PLEKHG3: variants seen among roughly 807,000 people sequenced by gnomAD.
PLEKHG3 encodes the protein pleckstrin homology and RhoGEF domain containing G3, also known as pleckstrin homology domain-containing family G member 3.
In PLEKHG3, 62 loss-of-function variants were observed where a neutral mutation model predicts 94.9. The ratio of observed to expected loss-of-function variants is 0.65; its 90% CI spans 0.53 to 0.81. The LOEUF (loss-of-function observed/expected upper bound fraction) is 0.81, where lower values mean the gene tolerates loss of function less well. Ranked by LOEUF, PLEKHG3 falls within the 30% of genes least tolerant of loss-of-function variation. The probability of loss-of-function intolerance (pLI) is 0.00; values close to 1 mark genes in which losing one functional copy is unlikely to be tolerated. For missense variants in PLEKHG3, 1,461 were observed against 1,619.3 expected (o/e 0.90, Z 1.68); for synonymous variants, 614 against 654.0 (o/e 0.94, Z 0.93).
Position 64,738,057 on chromosome 14 carries a change from G to C in PLEKHG3, c.1404+682G>C. On this transcript the variant is annotated intron_variant, in intron 14 of 16. Transcript: ENST00000247226. The surrounding 1 kb of genome is among the most constrained non-coding windows in gnomAD (Gnocchi z 4.8). ...GGACCTGACAGGGCATGAAGGCAACGAGAAGGGGGCTGGGCCGGAGCCCCC... is the reference window on the plus strand; with the variant it reads ...GGACCTGACAGGGCATGAAGGCAACCAGAAGGGGGCTGGGCCGGAGCCCCC... 1 of 1,298,110 alleles carries C rather than the reference G, an allele frequency of 7.7e-7. No homozygotes were observed. Among genetic ancestry groups the C allele is most frequent in the Non-Finnish European group, 1.0e-6 (1 of 993,996 alleles). 80.4% of individuals were successfully genotyped at this position (1,298,110 alleles called of 1,614,324 possible). A position where few individuals can be genotyped will look rare whatever the true frequency, so the allele number is the denominator to read the frequency against.
chr14:64,730,541 G>A lies in PLEKHG3; in HGVS notation c.520-101G>A. On this transcript the variant is annotated intron_variant, in intron 4 of 16. Coordinates refer to ENST00000247226, the MANE Select transcript of PLEKHG3 (RefSeq NM_001308147.2). The surrounding 1 kb of genome is among the most constrained non-coding windows in gnomAD (Gnocchi z 5.4). Reference sequence around the variant, plus strand: ...TGGCTCTGTAGGCATTTGGGAACAGGGGACAGAGGGTGCTCTGGGGGCCAG... The same window carrying A: ...TGGCTCTGTAGGCATTTGGGAACAGAGGACAGAGGGTGCTCTGGGGGCCAG... The A allele has an allele frequency of 1.0e-6, 1 of 966,250 alleles. No homozygotes were observed. Among genetic ancestry groups the A allele is most frequent in the Non-Finnish European group, 1.6e-6 (1 of 609,026 alleles). 59.9% of individuals were successfully genotyped at this position (966,250 alleles called of 1,614,324 possible).
rs1178294037 is a variant in PLEKHG3, at chr14:64,721,354, A to G, written c.-39-6239A>G. Among the ~76,000 whole-genome samples the G allele has an allele frequency of 1.3e-5, 2 of 152,054 alleles. No individual in the cohort carries two copies. The highest frequency in any genetic ancestry group is 2.9e-5 in the Non-Finnish European group (2 of 68,000). The stretch of plus-strand genomic sequence containing the variant: ...GGTGCCTGGCTTTCCTTTCCTTCCA[A>G]GGTCAGGCCGAGGGAACTTTCTGGA... On this transcript the variant is annotated intron_variant, in intron 1 of 16. Transcript: ENST00000247226. The surrounding 1 kb of genome is among the most constrained non-coding windows in gnomAD (Gnocchi z 4.3).
rs1190786184 is a variant in PLEKHG3, at chr14:64,743,526, G to T, written c.3483G>T (p.Glu1161Asp). ...PLPSPTAGLE[E>D]SSGQGPSSPV... ...CCAGCCCCACTGCAGGGCTGGAGGA[G>T]AGCAGTGGCCAGGGACCAAGCTCAC... Residue 1161 changes from glutamate to aspartate, a missense_variant, in exon 17 of 17, where the codon GAG becomes GAT. Physicochemically the swap from Glu to Asp is conservative, Grantham distance 45. This residue lies in a region of PLEKHG3 where 1,201 missense variants were observed against 1,295.5 expected (regional missense o/e 0.93). Coordinates refer to ENST00000247226, the MANE Select transcript of PLEKHG3 (RefSeq NM_001308147.2). The surrounding 1 kb of genome is among the most constrained non-coding windows in gnomAD (Gnocchi z 7.2). 6.2e-7 allele frequency: 1 copy of T among 1,612,968 alleles called. No homozygotes were observed. The highest frequency in any genetic ancestry group is 8.5e-7 in the Non-Finnish European group (1 of 1,179,958).
Position 64,736,805 on chromosome 14 carries a change from C to T in PLEKHG3, c.1346-48C>T, listed in dbSNP as rs148592933. 11,024 of 1,445,368 alleles carry T rather than the reference C, an allele frequency of 7.6e-3. 54 individuals are homozygous for T. The highest frequency in any genetic ancestry group is 9.2e-3 in the Non-Finnish European group (9,445 of 1,026,632). 89.5% of individuals were successfully genotyped at this position (1,445,368 alleles called of 1,614,324 possible). On this transcript the variant is annotated intron_variant, in intron 12 of 16. Coordinates refer to ENST00000247226, the MANE Select transcript of PLEKHG3 (RefSeq NM_001308147.2). ...TGTGAGCTTGGGACCCAGCCAGGCACAGCAGTTTCCTGGCCCGCGCTGACT... is the reference window on the plus strand; with the variant it reads ...TGTGAGCTTGGGACCCAGCCAGGCATAGCAGTTTCCTGGCCCGCGCTGACT...
In PLEKHG3 at chr14:64,716,092, G is replaced by T. The variant is rs568387666; in HGVS notation, c.-40+11388G>T. On this transcript the variant is annotated intron_variant, in intron 1 of 16. Coordinates refer to ENST00000247226, the MANE Select transcript of PLEKHG3 (RefSeq NM_001308147.2). The surrounding 1 kb of genome is among the most constrained non-coding windows in gnomAD (Gnocchi z 5.0). The stretch of plus-strand genomic sequence containing the variant: ...GGATGGGAGCTCTCCTGAGGAAAGC[G>T]GTAGGTACCCGGCTGGGGCCAGGCC... The T allele has an allele frequency of 8.1e-4, 369 of 456,160 alleles. No individual in the cohort carries two copies. The highest frequency in any genetic ancestry group is 6.2e-3 in the African/African-American group (312 of 50,174). The allele number at this position is 456,160 out of a possible 1,614,324, so 28.3% of individuals were successfully genotyped here.
chr14:64,705,936 C>T (rs2080964777), intron 1 of PLEKHG3, among the ~76,000 whole-genome samples: 1 of 152,216 alleles, frequency 6.6e-6, no homozygotes, highest in Non-Finnish European at 1.5e-5. Context: ...CTCCTTTCGA[C>T]ACCTGCTGTC....
chr14:64,718,141 G>A lies in PLEKHG3; in HGVS notation c.-39-9452G>A, dbSNP rs1474158986. ...CTAAGATGTCACCTTCTCCTAGAAA[G>A]CTTCCTGGTCCCCTAAGTAGCACTA... On this transcript the variant is annotated intron_variant, in intron 1 of 16. Coordinates refer to ENST00000247226, the MANE Select transcript of PLEKHG3 (RefSeq NM_001308147.2). The surrounding 1 kb of genome is among the most constrained non-coding windows in gnomAD (Gnocchi z 5.0). Among the ~76,000 whole-genome samples, 1 of 152,212 alleles carries A rather than the reference G, an allele frequency of 6.6e-6. No individual in the cohort carries two copies. The highest frequency in any genetic ancestry group is 6.5e-5 in the Admixed American group (1 of 15,286).
At position 64,750,023 on chromosome 14, in the gene PLEKHG3, A is replaced by G. The variant is rs150907858; in HGVS notation, c.*6320A>G. 68 of 1,614,042 alleles carry G rather than the reference A, an allele frequency of 4.2e-5. No individual in the cohort carries two copies. The highest frequency in any genetic ancestry group is 1.5e-4 in the Admixed American group (9 of 60,002). ...CTTCTTCTTCTTGTAGTTGGCAGCA[A>G]TCTCACAGATGGCATGTCTCAGGGC... On this transcript the variant is annotated 3_prime_UTR_variant, in exon 17 of 17. Transcript: ENST00000247226.
In PLEKHG3 at chr14:64,726,175, A is replaced by C. The variant is rs570797814; in HGVS notation, c.-39-1418A>C. Reference sequence around the variant, plus strand: ...ACGAGATAACGCCAAGGCAGAGAGAACATTTGCAAAAGCCGGAGACCCAGG... The same window carrying C: ...ACGAGATAACGCCAAGGCAGAGAGACCATTTGCAAAAGCCGGAGACCCAGG... On this transcript the variant is annotated intron_variant, in intron 1 of 16. Coordinates refer to ENST00000247226, the MANE Select transcript of PLEKHG3 (RefSeq NM_001308147.2). The surrounding 1 kb of genome is among the most constrained non-coding windows in gnomAD (Gnocchi z 5.1). Among the ~76,000 whole-genome samples the C allele has an allele frequency of 6.6e-6, 1 of 152,252 alleles. No individual in the cohort carries two copies. The highest frequency in any genetic ancestry group is 2.4e-5 in the African/African-American group (1 of 41,524).
chr14:64,743,645 A>G lies in PLEKHG3; in HGVS notation c.3602A>G (p.Gln1201Arg). The change falls in exon 17 of 17, where the codon CAG becomes CGG. Residue 1201 changes from glutamine (Q) to arginine (R), a missense_variant. Physicochemically the swap from Gln to Arg is conservative, Grantham distance 43. This residue lies in a region of PLEKHG3 where 1,201 missense variants were observed against 1,295.5 expected (regional missense o/e 0.93). Coordinates refer to ENST00000247226, the MANE Select transcript of PLEKHG3 (RefSeq NM_001308147.2). The surrounding 1 kb of genome is among the most constrained non-coding windows in gnomAD (Gnocchi z 7.2). ...EGSRDPADPS[Q>R]QGRVRNLREK... Reference sequence around the variant, plus strand: ...TCCAGGGACCCGGCAGACCCGAGCCAGCAGGGCAGAGTGAGAAACCTTAGA... The same window carrying G: ...TCCAGGGACCCGGCAGACCCGAGCCGGCAGGGCAGAGTGAGAAACCTTAGA... 1 of 1,609,664 alleles carries G rather than the reference A, an allele frequency of 6.2e-7. No homozygotes were observed. The highest frequency in any genetic ancestry group is 1.3e-5 in the African/African-American group (1 of 75,008).
chr14:64,726,384 G>A lies in PLEKHG3; in HGVS notation c.-39-1209G>A, dbSNP rs1244295824. On this transcript the variant is annotated intron_variant, in intron 1 of 16. Coordinates refer to ENST00000247226, the MANE Select transcript of PLEKHG3 (RefSeq NM_001308147.2). This position sits in a 1 kb window ranked among gnomAD's most constrained non-coding sequence, Gnocchi z 5.1. ...GGGTAGAAGACTCGGGTCAGTAGGG[G>A]TGAGAGGGATGCCCAGGAACTTACT... 6.6e-6 allele frequency among the ~76,000 whole-genome samples: 1 copy of A among 152,158 alleles called. No homozygotes were observed. Among genetic ancestry groups the A allele is most frequent in the Non-Finnish European group, 1.5e-5 (1 of 68,020 alleles).
chr14:64,727,977 G>A lies in PLEKHG3; in HGVS notation c.346G>A (p.Val116Met), dbSNP rs749064872. The change falls in exon 2 of 17, where the codon GTG becomes ATG. Residue 116 changes from valine to methionine, a missense_variant. By Grantham distance (21) the Val-to-Met change is conservative. Coordinates refer to ENST00000247226, the MANE Select transcript of PLEKHG3 (RefSeq NM_001308147.2). The surrounding 1 kb of genome is among the most constrained non-coding windows in gnomAD (Gnocchi z 6.0). Reference sequence around the variant, plus strand: ...GTACGTACAGGACCTGCGCAGCATCGTGGAGGTGCGTGTCGGAGGCCTTGC... The same window carrying A: ...GTACGTACAGGACCTGCGCAGCATCATGGAGGTGCGTGTCGGAGGCCTTGC... ...RMYVQDLRSIVEDYLLKIIDT... is the reference protein window; with the variant it reads ...RMYVQDLRSIMEDYLLKIIDT... 2.0e-5 allele frequency: 31 copies of A among 1,555,642 alleles called. No homozygotes were observed. The highest frequency in any genetic ancestry group is 7.1e-5 in the Admixed American group (4 of 56,444).
At position 64,732,925 on chromosome 14, in the gene PLEKHG3, G is replaced by A; in HGVS notation, c.1345+24G>A. On this transcript the variant is annotated intron_variant, in intron 12 of 16. Coordinates refer to ENST00000247226, the MANE Select transcript of PLEKHG3 (RefSeq NM_001308147.2). The surrounding 1 kb of genome is among the most constrained non-coding windows in gnomAD (Gnocchi z 4.9). ...TGGTAAGAGAAGGGCTGTGGAGGCA[G>A]GAGGCCTCTCCCTCACACCCTTGCC... The A allele has an allele frequency of 6.9e-7, 1 of 1,447,198 alleles. No individual in the cohort carries two copies. The highest frequency in any genetic ancestry group is 9.6e-7 in the Non-Finnish European group (1 of 1,040,932). 89.6% of individuals were successfully genotyped at this position (1,447,198 alleles called of 1,614,324 possible). A position where few individuals can be genotyped will look rare whatever the true frequency, so the allele number is the denominator to read the frequency against.
intron 12 of PLEKHG3, among the ~76,000 whole-genome samples, chr14:64,736,290 G>A (rs988563920): frequency 6.6e-6 from 1 of 152,262 alleles, no homozygotes; most frequent in African/African-American, 2.4e-5. Context: ...CCCAGAGCCT[G>A]GTCACTCTCC....
chr14:64,708,333 GCT>G (rs1441771148), intron 1 of PLEKHG3, among the ~76,000 whole-genome samples: 4 of 152,166 alleles, frequency 2.6e-5, no homozygotes, highest in Non-Finnish European at 4.4e-5. Context: ...CTGCCTCACA[GCT>G]GGGAAGGCTG....
chr14:64,730,186 T>G lies in PLEKHG3; in HGVS notation c.450-57T>G. On this transcript the variant is annotated intron_variant, in intron 3 of 16. Coordinates refer to ENST00000247226, the MANE Select transcript of PLEKHG3 (RefSeq NM_001308147.2). The surrounding 1 kb of genome is among the most constrained non-coding windows in gnomAD (Gnocchi z 5.4). ...GTTTGGGAGGTTGGGGAGGGGGCAG[T>G]GAGGGGCATTGTCCTCTGACTGCAG... 1.1e-6 allele frequency: 1 copy of G among 934,324 alleles called. No homozygotes were observed. Among genetic ancestry groups the G allele is most frequent in the South Asian group, 1.4e-5 (1 of 71,772 alleles). The allele number at this position is 934,324 out of a possible 1,614,324, so 57.9% of individuals were successfully genotyped here.
In PLEKHG3 at chr14:64,749,230, C is replaced by G; in HGVS notation, c.*5527C>G. ...TCATCTCGATTCGACCGGCGGGCGG[C>G]GGCGAGAGGAGGCCAAGGCCTGGGC... On this transcript the variant is annotated 3_prime_UTR_variant, in exon 17 of 17. Coordinates refer to ENST00000247226, the MANE Select transcript of PLEKHG3 (RefSeq NM_001308147.2). This position sits in a 1 kb window ranked among gnomAD's most constrained non-coding sequence, Gnocchi z 4.7. 1 of 1,502,404 alleles carries G rather than the reference C, an allele frequency of 6.7e-7. No homozygotes were observed. Among genetic ancestry groups the G allele is most frequent in the South Asian group, 1.2e-5 (1 of 82,714 alleles). 93.1% of individuals were successfully genotyped at this position (1,502,404 alleles called of 1,614,324 possible).
Position 64,738,365 on chromosome 14 carries a change from G to A in PLEKHG3, c.1405-377G>A, listed in dbSNP as rs115650566. The A allele has an allele frequency of 2.3e-3, 976 of 427,536 alleles. 11 individuals carry two copies. The highest frequency in any genetic ancestry group is 0.019 in the African/African-American group (909 of 48,716). The allele number at this position is 427,536 out of a possible 1,614,324, so 26.5% of individuals were successfully genotyped here. A position where few individuals can be genotyped will look rare whatever the true frequency, so the allele number is the denominator to read the frequency against. ...CCCTCAGCACTTAACACCATCGCTC[G>A]CTGTCACACCCTGGTGAGCCCCTGG... On this transcript the variant is annotated intron_variant, in intron 14 of 16. Transcript: ENST00000247226. This position sits in a 1 kb window ranked among gnomAD's most constrained non-coding sequence, Gnocchi z 4.8.
intron 1 of PLEKHG3, among the ~76,000 whole-genome samples, chr14:64,724,191 A>G (rs1389520956): frequency 6.6e-6 from 1 of 151,884 alleles, no homozygotes; most frequent in Admixed American, 6.6e-5. Flanking sequence ...TAATGGTTCC[A>G]ATCCGGTGTC....
Sources: allele counts gnomAD v4.1 joint callset (sites outside exome capture counted in the v4.1 genomes callset), GRCh38; gene constraint gnomAD v4.1.1; regional missense constraint gnomAD v4.1.1; non-coding constraint Gnocchi (gnomAD v3.1); transcripts MANE v1.5; gene names NCBI Gene and HGNC (gene_info 2026-07-23, HGNC 2026-07-21).